DAB2: variants seen among roughly 807,000 people sequenced by gnomAD.
The protein encoded by DAB2 is disabled homolog 2.
Under a neutral mutation model 71.6 loss-of-function variants are expected in DAB2, and 28 were observed. The ratio of observed to expected loss-of-function variants is 0.39; its 90% CI spans 0.29 to 0.54. The LOEUF is 0.54. DAB2 is among the 20% of genes least tolerant of loss of function. The pLI is 0.68. For synonymous variants in DAB2, 345 were observed against 339.7 expected (o/e 1.02, Z -0.17); for missense variants, 867 against 928.8 (o/e 0.93, Z 0.86).
At chr5:39,413,737 T>C (rs1411654567) in intron 1 of DAB2, among the ~76,000 whole-genome samples, 1 of 152,170 alleles carries the variant, frequency 6.6e-6, no homozygotes, top group African/African-American at 2.4e-5. Context: ...ACATTTAGAA[T>C]AAGTGATATT....
At chr5:39,424,122 C>T (rs1277272898) in intron 1 of DAB2, among the ~76,000 whole-genome samples, 1 of 152,116 alleles carries the variant, frequency 6.6e-6, no homozygotes, top group African/African-American at 2.4e-5. Context: ...ACTGAGGCTC[C>T]ACGGTTTTAA....
intron 11 of DAB2, 66 bp from the exon 12 acceptor site, chr5:39,377,348 G>T: frequency 1.3e-6 from 2 of 1,520,574 alleles, no homozygotes; most frequent in Non-Finnish European, 1.8e-6. Flanking sequence ...GAATTTCAGA[G>T]AGCACAACTC....
At position 39,383,183 on chromosome 5, in the gene DAB2, C is replaced by G; in HGVS notation, c.776G>C (p.Gly259Ala). ...SLRENPFLTNGITSCSLPRPT... is the reference protein window; with the variant it reads ...SLRENPFLTNAITSCSLPRPT... The stretch of plus-strand genomic sequence containing the variant: ...TCGAGGAAGAGAACAGGAGGTGATG[C>G]CGTTTGTTAAGAATGGATTTTCTCT... Residue 259 changes from glycine to alanine, a missense_variant, in exon 10 of 15, where the codon GGC (glycine) becomes GCC (alanine). Around this residue, in one of 2 missense-constraint regions of DAB2, gnomAD observed 740 missense variants for 734.3 expected, o/e 1.01. Coordinates refer to ENST00000320816, the MANE Select transcript of DAB2 (RefSeq NM_001343.4). 2.5e-6 allele frequency: 4 copies of G among 1,613,870 alleles called. No homozygotes were observed. The highest frequency in any genetic ancestry group is 3.4e-6 in the Non-Finnish European group (4 of 1,179,964).
Position 39,375,068 on chromosome 5 carries a change from G to A in DAB2, c.2264C>T (p.Pro755Leu), listed in dbSNP as rs1049860499. The A allele has an allele frequency of 2.5e-6, 4 of 1,610,864 alleles. No homozygotes were observed. Among genetic ancestry groups the A allele is most frequent in the Middle Eastern group, 1.7e-4 (1 of 6,024 alleles). ...SSQASVASSQ[P>L]VSSEMYRDPF... ...ATCCCTATACATCTCAGAAGATACA[G>A]GTTGAGAAGAAGCCACCTAAGAAGA... Residue 755 changes from proline to leucine, a missense_variant, in exon 14 of 15, where the codon CCT becomes CTT. Physicochemically the swap from Pro to Leu is moderately conservative, Grantham distance 98. Coordinates refer to ENST00000320816, the MANE Select transcript of DAB2 (RefSeq NM_001343.4).
intron 9 of DAB2, chr5:39,385,572 C>A (rs1284268983): frequency 1.3e-5 from 2 of 152,294 alleles, no homozygotes; most frequent in Non-Finnish European, 2.9e-5. Flanking sequence ...CTTTGTCGAA[C>A]TGTCAACACT....
rs1374787018 is a variant in DAB2 at position 39,376,061 on chromosome 5, T to G, written c.2183A>C (p.Lys728Thr). 1 of 1,614,106 alleles carries G rather than the reference T, an allele frequency of 6.2e-7. No individual in the cohort carries two copies. The highest frequency in any genetic ancestry group is 8.5e-7 in the Non-Finnish European group (1 of 1,179,978). The change falls in exon 13 of 15, where the codon AAA becomes ACA. Residue 728 changes from lysine to threonine, a missense_variant. Lys to Thr is a moderately conservative substitution (Grantham distance 78, BLOSUM62 -1). Transcript: ENST00000320816. ...APRQVSLPVT[K>T]STDNAFENPF... is the part of the protein sequence containing the mutation. ...GTTCTCAAATGCATTGTCAGTAGATTTGGTAACTGGCAGGGAAACTTGTCT... is the reference window on the plus strand; with the variant it reads ...GTTCTCAAATGCATTGTCAGTAGATGTGGTAACTGGCAGGGAAACTTGTCT...
chr5:39,402,308 G>T (rs962753150), intron 1 of DAB2, among the ~76,000 whole-genome samples: 1 of 152,158 alleles, frequency 6.6e-6, no homozygotes, highest in Admixed American at 6.5e-5. Context: ...GTAGTCTTGT[G>T]CTCTTTCCAA....
rs1188441792 is a variant in DAB2, at chr5:39,375,065, A to G, written c.2267T>C (p.Val756Ala). The G allele has an allele frequency of 6.2e-7, 1 of 1,611,414 alleles. No homozygotes were observed. Among genetic ancestry groups the G allele is most frequent in the African/African-American group, 1.3e-5 (1 of 74,964 alleles). ...SQASVASSQP[V>A]SSEMYRDPFG... The stretch of plus-strand genomic sequence containing the variant: ...TGGATCCCTATACATCTCAGAAGAT[A>G]CAGGTTGAGAAGAAGCCACCTAAGA... Residue 756 changes from valine to alanine, a missense_variant, in exon 14 of 15, where the codon GTA (valine) becomes GCA (alanine). By Grantham distance (64) the Val-to-Ala change is moderately conservative. This residue lies in a region of DAB2 where 740 missense variants were observed against 734.3 expected (regional missense o/e 1.01). Coordinates refer to ENST00000320816, the MANE Select transcript of DAB2 (RefSeq NM_001343.4).
intron 1 of DAB2, among the ~76,000 whole-genome samples, chr5:39,421,950 A>G (rs916200537): frequency 1.8e-4 from 27 of 151,870 alleles, no homozygotes; most frequent in Non-Finnish European, 3.8e-4. Flanking sequence ...GGTACCTCTA[A>G]TCCCAACTAA....
chr5:39,392,338 G>T, intron 4 of DAB2, 27 bp downstream of exon 4: 1 of 1,548,510 alleles, frequency 6.5e-7, no homozygotes, highest in South Asian at 1.1e-5. Flanking sequence ...GGTGGTCAGA[G>T]AGGTATCAGC....
At chr5:39,412,778 C>G (rs1755760482) in intron 1 of DAB2, among the ~76,000 whole-genome samples, 1 of 152,114 alleles carries the variant, frequency 6.6e-6, no homozygotes, top group Non-Finnish European at 1.5e-5. Context: ...GGCTGAAGCA[C>G]AGGAGTGAAG....
chr5:39,390,513 G>A lies in DAB2; in HGVS notation c.393C>T (p.Asn131=), dbSNP rs766873482. The A allele has an allele frequency of 5.0e-6, 8 of 1,613,768 alleles. No homozygotes were observed. Among genetic ancestry groups the A allele is most frequent in the African/African-American group, 2.7e-5 (2 of 74,846 alleles). The change falls in exon 5 of 15, where the codon AAC becomes AAT. Residue 131 remains asparagine (N), a synonymous_variant. Coordinates refer to ENST00000320816, the MANE Select transcript of DAB2 (RefSeq NM_001343.4). The part of the protein sequence containing the change: ...ISFIARDVTD[N]RAFGYVCGGE... Reference sequence around the variant, plus strand: ...CTCCACACACGTAACCAAATGCCCGGTTGTCTGTCACATCACGGGCAATGA... The same window carrying A: ...CTCCACACACGTAACCAAATGCCCGATTGTCTGTCACATCACGGGCAATGA...
chr5:39,404,221 AC>A (rs1172487643), intron 1 of DAB2, among the ~76,000 whole-genome samples: 1 of 125,772 alleles, frequency 8.0e-6, no homozygotes, highest in Non-Finnish European at 1.6e-5. Context: ...AGGAAGGGGA[AC>A]ATCACACACC....
chr5:39,390,303 C>T, intron 5 of DAB2, 141 bp downstream of exon 5: 1 of 1,077,510 alleles, frequency 9.3e-7, no homozygotes, highest in Non-Finnish European at 1.3e-6. Flanking sequence ...TTCCATAGGC[C>T]AATAAAAATA....
chr5:39,389,705 T>A (rs1037250194), intron 6 of DAB2, 147 bp downstream of exon 6: 2 of 527,718 alleles, frequency 3.8e-6, no homozygotes, highest in African/African-American at 4.1e-5. Context: ...AGTGATGAGG[T>A]TTCGCCATGT....
rs531277044 is a variant in DAB2 at position 39,393,387 on chromosome 5, T to C, written c.98A>G (p.Glu33Gly). ...TGCTAAGAGATATTCATCTGTCTTT[T>C]CAGGGCCTGAGAAAAGAAAGGAATA... ...PSKKEKKKGP[E>G]KTDEYLLARF... is the part of the protein sequence containing the mutation. Residue 33 changes from glutamate to glycine, a missense_variant, in exon 3 of 15, where the codon GAA becomes GGA. Physicochemically the swap from Glu to Gly is moderately conservative, Grantham distance 98. This residue lies in a region of DAB2 where 127 missense variants were observed against 194.4 expected (regional missense o/e 0.65). Coordinates refer to ENST00000320816, the MANE Select transcript of DAB2 (RefSeq NM_001343.4). 1 of 1,613,960 alleles carries C rather than the reference T, an allele frequency of 6.2e-7. No individual in the cohort carries two copies. Among genetic ancestry groups the C allele is most frequent in the African/African-American group, 1.3e-5 (1 of 75,048 alleles).
At chr5:39,398,692 A>C (rs1482361249) in intron 1 of DAB2, among the ~76,000 whole-genome samples, 1 of 152,204 alleles carries the variant, frequency 6.6e-6, no homozygotes, top group Non-Finnish European at 1.5e-5. Context: ...TACAAAAAAA[A>C]TGTTCAAGAC....
At chr5:39,388,140 G>A (rs1755140336) in intron 9 of DAB2, 165 bp downstream of exon 9, 2 of 600,978 alleles carry the variant, frequency 3.3e-6, no homozygotes, top group Admixed American at 6.2e-5. Context: ...AGGTTCCCAT[G>A]GTGACTTAAG....
chr5:39,414,539 A>C (rs1236469376), intron 1 of DAB2, among the ~76,000 whole-genome samples: 1 of 152,146 alleles, frequency 6.6e-6, no homozygotes, highest in Non-Finnish European at 1.5e-5. Flanking sequence ...GGTCAGACAG[A>C]TATATGAGCA....
Sources: allele counts gnomAD v4.1 joint callset (sites outside exome capture counted in the v4.1 genomes callset), GRCh38; gene constraint gnomAD v4.1.1; regional missense constraint gnomAD v4.1.1; transcripts MANE v1.5; gene names NCBI Gene and HGNC (gene_info 2026-07-23, HGNC 2026-07-21).